Variants in SMIM14 observed in about 807,000 individuals in gnomAD.
SMIM14 encodes small integral membrane protein 14.
SMIM14 carries 5 observed loss-of-function variants against 12.6 expected under a neutral mutation model. The observed-to-expected ratio is 0.40, with a 90% CI of 0.21 to 0.83. The LOEUF (loss-of-function observed/expected upper bound fraction) is 0.83, where lower values mean the gene tolerates loss of function less well. Among genes scored for constraint, SMIM14 ranks in the 40% least tolerant of loss-of-function variants. The probability of loss-of-function intolerance (pLI) is 0.37; values close to 1 mark genes in which losing one functional copy is unlikely to be tolerated. For missense variants in SMIM14, 86 were observed against 119.1 expected (o/e 0.72, Z 1.29); for synonymous variants, 30 against 40.1 (o/e 0.75, Z 0.95).
rs1470585651 is a variant in SMIM14, at chr4:39,616,952, A to G, written c.-35-11772T>C. On this transcript the variant is annotated intron_variant, in intron 1 of 4. Coordinates refer to ENST00000295958, the MANE Select transcript of SMIM14 (RefSeq NM_174921.3). ...GTTTTTAAAAGTATTTAGAATTACT[A>G]TCTACCTAGAATTTAAACTTGGGGA... Among the ~76,000 whole-genome samples, 3 of 152,180 alleles carry G rather than the reference A, an allele frequency of 2.0e-5. No individual in the cohort carries two copies. The South Asian group carries it at 6.2e-4, about 31-fold the overall frequency.
intron 2 of SMIM14, among the ~76,000 whole-genome samples, chr4:39,575,785 G>A (rs1339955231): frequency 1.4e-5 from 2 of 146,970 alleles, no homozygotes. Context: ...TGTAGAGATG[G>A]GGTTTTGCTA....
At chr4:39,628,906 T>C (rs1715804326) in intron 1 of SMIM14, among the ~76,000 whole-genome samples, 1 of 150,318 alleles carries the variant, frequency 6.7e-6, no homozygotes, top group South Asian at 2.1e-4. Flanking sequence ...CTAGTTTTTA[T>C]ATGGTTAGTA....
At chr4:39,633,258 C>T (rs968214213) in intron 1 of SMIM14, among the ~76,000 whole-genome samples, 1 of 151,926 alleles carries the variant, frequency 6.6e-6, no homozygotes, top group African/African-American at 2.4e-5. Context: ...CACCCCACTG[C>T]ACTCCAGTCT....
intron 1 of SMIM14, among the ~76,000 whole-genome samples, chr4:39,624,107 A>G (rs1390399836): frequency 6.6e-6 from 1 of 152,226 alleles, no homozygotes; most frequent in Non-Finnish European, 1.5e-5. Flanking sequence ...GACTTTTATC[A>G]GATTACCCAA....
At chr4:39,602,715 C>T (rs936606550) in intron 2 of SMIM14, among the ~76,000 whole-genome samples, 3 of 152,162 alleles carry the variant, frequency 2.0e-5, no homozygotes, top group African/African-American at 7.2e-5. Context: ...TTTCTATACC[C>T]TCAAGAGTCT....
intron 3 of SMIM14, among the ~76,000 whole-genome samples, chr4:39,571,162 A>T (rs1340670886): frequency 6.6e-6 from 1 of 152,164 alleles, no homozygotes; most frequent in Non-Finnish European, 1.5e-5. Context: ...CCATAAAGCC[A>T]TGTGGAGAAA....
chr4:39,609,121 C>T (rs962443646), intron 1 of SMIM14, among the ~76,000 whole-genome samples: 8 of 151,962 alleles, frequency 5.3e-5, no homozygotes, highest in South Asian at 4.1e-4. Context: ...GGACTACAGG[C>T]GCGTGCCACC....
Position 39,592,000 on chromosome 4 carries a change from G to C in SMIM14, c.75+13071C>G, listed in dbSNP as rs147346908. 4.6e-3 allele frequency among the ~76,000 whole-genome samples: 693 copies of C among 151,836 alleles called. 5 individuals carry two copies. Among genetic ancestry groups the C allele is most frequent in the African/African-American group, 0.016 (657 of 41,388 alleles). On this transcript the variant is annotated intron_variant, in intron 2 of 4. Transcript: ENST00000295958. ...TTGAGGCTAGGTGTGTGAGACCAGC[G>C]TAGGCAACACAGTGAGACCCCATCT...
intron 4 of SMIM14, among the ~76,000 whole-genome samples, chr4:39,555,265 C>T (rs1459430640): frequency 1.3e-5 from 2 of 150,972 alleles, no homozygotes; most frequent in Non-Finnish European, 2.9e-5. Flanking sequence ...CATAGTCTCA[C>T]TCTGTAGCCC....
At chr4:39,593,397 C>A (rs1179370304) in intron 2 of SMIM14, 1 of 152,124 alleles carries the variant, frequency 6.6e-6, no homozygotes, top group Admixed American at 6.6e-5. Context: ...ATTGATGGGA[C>A]GTATCTCAAA....
chr4:39,617,227 T>TA (rs1715259553), intron 1 of SMIM14, among the ~76,000 whole-genome samples: 1 of 152,312 alleles, frequency 6.6e-6, no homozygotes, highest in East Asian at 1.9e-4. Flanking sequence ...GCCAAGTTTT[T>TA]ATCTATGGAG....
At chr4:39,606,345 A>G (rs1335328732) in intron 1 of SMIM14, among the ~76,000 whole-genome samples, 1 of 136,962 alleles carries the variant, frequency 7.3e-6, no homozygotes, top group Non-Finnish European at 1.6e-5. Context: ...GTTCATGTTT[A>G]AAAAAAAAAA....
chr4:39,591,058 A>G (rs1714051161), intron 2 of SMIM14, among the ~76,000 whole-genome samples: 1 of 152,162 alleles, frequency 6.6e-6, no homozygotes, highest in Admixed American at 6.6e-5. Context: ...AGACACTCAA[A>G]TCCCTTATAT....
At chr4:39,607,934 G>C (rs934838915) in intron 1 of SMIM14, among the ~76,000 whole-genome samples, 1 of 152,122 alleles carries the variant, frequency 6.6e-6, no homozygotes, top group African/African-American at 2.4e-5. Flanking sequence ...AATGCTTAAA[G>C]TCAGTAATCA....
At chr4:39,585,446 G>A (rs772841967) in intron 2 of SMIM14, among the ~76,000 whole-genome samples, 13 of 151,812 alleles carry the variant, frequency 8.6e-5, no homozygotes, top group South Asian at 2.1e-4. Context: ...ACAGGCGTGC[G>A]CCACCATGCC....
intron 1 of SMIM14, among the ~76,000 whole-genome samples, chr4:39,612,898 C>T (rs557830258): frequency 4.5e-4 from 68 of 152,300 alleles, no homozygotes; most frequent in African/African-American, 1.6e-3. Flanking sequence ...ACAAGCATGG[C>T]CTTTTACTAA....
At chr4:39,623,092 A>G (rs1390302328) in intron 1 of SMIM14, among the ~76,000 whole-genome samples, 1 of 152,214 alleles carries the variant, frequency 6.6e-6, no homozygotes, top group Non-Finnish European at 1.5e-5. Context: ...ACATACGTAC[A>G]ATGTCAACGA....
chr4:39,571,236 A>G (rs995069328), intron 3 of SMIM14, among the ~76,000 whole-genome samples: 6 of 152,126 alleles, frequency 3.9e-5, no homozygotes, highest in Non-Finnish European at 5.9e-5. Context: ...TGAACTCCAC[A>G]GGCACCCAAA....
At chr4:39,619,291 A>C (rs1357337969) in intron 1 of SMIM14, among the ~76,000 whole-genome samples, 1 of 88,378 alleles carries the variant, frequency 1.1e-5, no homozygotes, top group Non-Finnish European at 2.0e-5. Context: ...TATATCAATA[A>C]ATATAATTTA....
Sources: allele counts gnomAD v4.1 joint callset (sites outside exome capture counted in the v4.1 genomes callset), GRCh38; gene constraint gnomAD v4.1.1; transcripts MANE v1.5; gene names NCBI Gene and HGNC (gene_info 2026-07-23, HGNC 2026-07-21).